DCC: variants seen among roughly 807,000 people sequenced by gnomAD.
DCC encodes DCC netrin 1 receptor, also known as netrin receptor DCC.
Under a neutral mutation model 172.5 loss-of-function variants are expected in DCC, and 58 were observed. The ratio of observed to expected loss-of-function variants is 0.34; its 90% CI spans 0.27 to 0.42. The LOEUF is 0.42. DCC is among the 10% of genes least tolerant of loss of function. The pLI, the probability that DCC is intolerant of heterozygous loss-of-function variation, is 1.00. For synonymous variants in DCC, 709 were observed against 644.5 expected (o/e 1.10, Z -1.52); for missense variants, 1,740 against 1,791.0 (o/e 0.97, Z 0.51).
At chr18:52,545,708 A>G (rs2032592370) in intron 1 of DCC, among the ~76,000 whole-genome samples, 2 of 152,196 alleles carry the variant, frequency 1.3e-5, no homozygotes, top group Non-Finnish European at 2.9e-5. Context: ...TTACTTCTAT[A>G]AACAGCTTCA....
intron 2 of DCC, among the ~76,000 whole-genome samples, chr18:52,829,583 A>G (rs941919731): frequency 1.3e-5 from 2 of 152,340 alleles, no homozygotes; most frequent in African/African-American, 4.8e-5. Context: ...TTACAGTTCA[A>G]GAGTCTGACA....
At chr18:53,496,124 C>T (rs1285728539) in intron 26 of DCC, among the ~76,000 whole-genome samples, 1 of 152,170 alleles carries the variant, frequency 6.6e-6, no homozygotes, top group African/African-American at 2.4e-5. Flanking sequence ...CATACTGCCT[C>T]CTCAAGTGGG....
At chr18:53,344,572 G>T (rs1287428072) in intron 15 of DCC, among the ~76,000 whole-genome samples, 2 of 149,664 alleles carry the variant, frequency 1.3e-5, no homozygotes, top group African/African-American at 4.9e-5. Context: ...TTCCCAAGTA[G>T]CTGGGATTAC....
chr18:52,919,627 C>T (rs1010830253), intron 3 of DCC, among the ~76,000 whole-genome samples: 7 of 122,638 alleles, frequency 5.7e-5, no homozygotes, highest in Admixed American at 1.6e-4. Context: ...ATGGAAAAGT[C>T]GATGGTTCTT....
chr18:53,208,560 A>C (rs142250755), intron 11 of DCC, among the ~76,000 whole-genome samples: 100 of 152,264 alleles, frequency 6.6e-4, no homozygotes, highest in African/African-American at 2.2e-3. Context: ...AAAAGGAATT[A>C]GGCCAAATAA....
chr18:53,391,298 T>C (rs899865690), intron 16 of DCC, among the ~76,000 whole-genome samples: 4 of 152,170 alleles, frequency 2.6e-5, no homozygotes, highest in Non-Finnish European at 5.9e-5. Flanking sequence ...TTTTAAATTA[T>C]ATAGTAATAA....
intron 3 of DCC, among the ~76,000 whole-genome samples, chr18:52,918,740 TAAAG>T (rs1293641180): frequency 3.9e-5 from 6 of 152,022 alleles, no homozygotes; most frequent in African/African-American, 1.2e-4. Flanking sequence ...ATATTGTAAA[TAAAG>T]GAGAAAAATA....
At position 53,447,035 on chromosome 18, in the gene DCC, G is replaced by A. The variant is rs369428625; in HGVS notation, c.3230-3465G>A. On this transcript the variant is annotated intron_variant, in intron 22 of 28. Transcript: ENST00000442544. Reference sequence around the variant, plus strand: ...TTGGATGTTTCAGTATTAATGAATCGACATTATATATTAAATAAGATGTCT... The same window carrying A: ...TTGGATGTTTCAGTATTAATGAATCAACATTATATATTAAATAAGATGTCT... 1.7e-3 allele frequency among the ~76,000 whole-genome samples: 259 copies of A among 152,176 alleles called. 2 individuals carry two copies. Among genetic ancestry groups the A allele is most frequent in the African/African-American group, 4.9e-3 (205 of 41,512 alleles).
intron 1 of DCC, among the ~76,000 whole-genome samples, chr18:52,642,038 ATATATATACTGTGGTGTGTG>A: frequency 7.4e-5 from 1 of 13,540 alleles, no homozygotes; most frequent in South Asian, 6.6e-3. Flanking sequence ...ATATATATAT[ATATATATACTGTGGTGTGTG>A]TGTGTATATA....
chr18:53,139,499 AT>A (rs977456022), intron 7 of DCC, among the ~76,000 whole-genome samples: 2 of 151,764 alleles, frequency 1.3e-5, no homozygotes, highest in South Asian at 2.1e-4. Context: ...GTTTGGTTGG[AT>A]TTTTTTCTTT....
rs199927780 is a variant in DCC, at chr18:52,963,828, G to GTTTT, written c.985+38469_985+38472dup. Among the ~76,000 whole-genome samples, 28 of 145,686 alleles carry GTTTT rather than the reference G, an allele frequency of 1.9e-4. 2 individuals are homozygous for GTTTT. Among genetic ancestry groups the GTTTT allele is most frequent in the South Asian group, 4.4e-4 (2 of 4,572 alleles). On this transcript the variant is annotated intron_variant, in intron 5 of 28. Transcript: ENST00000442544. ...TGAAAGCTATTTCTGATTATCTCTAGTTTTTTTTTTTTTTATCCAAACTCT... is the reference window on the plus strand; with the variant it reads ...TGAAAGCTATTTCTGATTATCTCTAGTTTTTTTTTTTTTTTTTTATCCAAACTCT...
At chr18:53,471,584 T>C (rs893135208) in intron 25 of DCC, among the ~76,000 whole-genome samples, 2 of 152,210 alleles carry the variant, frequency 1.3e-5, no homozygotes, top group East Asian at 3.9e-4. Flanking sequence ...GTCTCTGGGT[T>C]TATCCCTCAC....
chr18:53,199,237 C>T (rs1022515441), intron 9 of DCC, among the ~76,000 whole-genome samples: 3 of 151,764 alleles, frequency 2.0e-5, no homozygotes, highest in African/African-American at 7.3e-5. Context: ...ATTACAGGTG[C>T]CCACCACCAC....
rs771557879 is a variant in DCC, at chr18:53,467,956, C to A, written c.3682C>A (p.Arg1228=). 1.9e-5 allele frequency: 30 copies of A among 1,613,116 alleles called. No homozygotes were observed. The highest frequency in any genetic ancestry group is 2.5e-5 in the Non-Finnish European group (30 of 1,179,222). Residue 1228 remains arginine, a synonymous_variant, in exon 25 of 29, where the codon CGA becomes AGA. Transcript: ENST00000442544. Reference sequence around the variant, plus strand: ...TCTGGAGAGGTCGCTGGCTGCACGCCGAGCCCCCCGGGCCAAGCTCATGAT... The same window carrying A: ...TCTGGAGAGGTCGCTGGCTGCACGCAGAGCCCCCCGGGCCAAGCTCATGAT... ...STLERSLAAR[R]APRAKLMIPM...
chr18:52,633,762 CTG>C (rs1229910856), intron 1 of DCC, among the ~76,000 whole-genome samples: 2 of 152,182 alleles, frequency 1.3e-5, no homozygotes, highest in Admixed American at 6.5e-5. Context: ...CCTCCAAACA[CTG>C]TAACAGAGAC....
chr18:53,190,933 G>A (rs938988647), intron 9 of DCC, among the ~76,000 whole-genome samples: 13 of 152,200 alleles, frequency 8.5e-5, no homozygotes, highest in African/African-American at 2.9e-4. Context: ...GAGACAGAGC[G>A]GACTCCGTCT....
At chr18:53,077,168 T>C (rs546429133) in intron 7 of DCC, among the ~76,000 whole-genome samples, 7 of 152,276 alleles carry the variant, frequency 4.6e-5, no homozygotes, top group African/African-American at 1.4e-4. Flanking sequence ...CTTTCCATCA[T>C]TGGCCAATCA....
intron 1 of DCC, among the ~76,000 whole-genome samples, chr18:52,694,504 G>A (rs1408233215): frequency 6.6e-6 from 1 of 152,060 alleles, no homozygotes; most frequent in East Asian, 1.9e-4. Flanking sequence ...TAACCCAGCA[G>A]GGTCTCAAAG....
chr18:52,879,669 G>A (rs2039455440), intron 2 of DCC, among the ~76,000 whole-genome samples: 2 of 151,760 alleles, frequency 1.3e-5, no homozygotes, highest in African/African-American at 4.8e-5. Context: ...TGACCTCATG[G>A]TCTGCTCACC....
Sources: gnomAD v4.1 joint callset for allele counts (sites outside exome capture counted in the v4.1 genomes callset) on GRCh38, gnomAD v4.1.1 for gene constraint, MANE v1.5 for transcripts, NCBI Gene and HGNC (gene_info 2026-07-23, HGNC 2026-07-21) for gene names.